Variants in CRTAC1 observed in about 807,000 individuals in gnomAD.
CRTAC1 encodes cartilage acidic protein 1.
CRTAC1 carries 37 observed loss-of-function variants against 67.8 expected under a neutral mutation model. The observed-to-expected ratio is 0.55, with a 90% CI of 0.42 to 0.72. The LOEUF is 0.72. Ranked by LOEUF, CRTAC1 falls within the 30% of genes least tolerant of loss-of-function variation. The pLI is 0.00. For missense variants in CRTAC1, 780 were observed against 931.6 expected (o/e 0.84, Z 2.12); for synonymous variants, 348 against 371.0 (o/e 0.94, Z 0.71).
chr10:98,015,363 T>A (rs10883025), intron 1 of CRTAC1, among the ~76,000 whole-genome samples: 25,338 of 151,706 alleles, frequency 0.17, 2,750 homozygotes, highest in East Asian at 0.44. Context: ...GAAATGGGAG[T>A]TAGTGTTTAG....
At chr10:97,901,020 CCG>C in intron 8 of CRTAC1, among the ~76,000 whole-genome samples, 1 of 134,432 alleles carries the variant, frequency 7.4e-6, no homozygotes, top group East Asian at 2.3e-4. Context: ...TGATTGGAGC[CCG>C]TAGCCCCTTT....
Position 97,896,996 on chromosome 10 carries a change from A to G in CRTAC1, c.1134-5T>C. 1 of 1,553,256 alleles carries G rather than the reference A, an allele frequency of 6.4e-7. No individual in the cohort carries two copies. The highest frequency in any genetic ancestry group is 8.7e-7 in the Non-Finnish European group (1 of 1,147,284). ...CCGTGCTCTCTACGGATGACGCTGC[A>G]GGAGAGGAGACAGGCTTGCTCTGGT... On this transcript the variant is annotated splice_polypyrimidine_tract_variant and splice_region_variant and intron_variant, in intron 8 of 14. Coordinates refer to ENST00000370597, the MANE Select transcript of CRTAC1 (RefSeq NM_018058.7).
At chr10:97,872,390 A>T (rs1449032637) in intron 14 of CRTAC1, among the ~76,000 whole-genome samples, 1 of 152,194 alleles carries the variant, frequency 6.6e-6, no homozygotes, top group Non-Finnish European at 1.5e-5. Context: ...TGAGCTGGGC[A>T]GCAGCTCTCA....
chr10:97,920,332 T>C lies in CRTAC1; in HGVS notation c.559-2676A>G, dbSNP rs558632984. Among the ~76,000 whole-genome samples, 183 of 152,346 alleles carry C rather than the reference T, an allele frequency of 1.2e-3. 2 individuals carry two copies. The highest frequency in any genetic ancestry group is 3.4e-3 in the Middle Eastern group (1 of 294). ...TATAAACTGACAAACGCAGATGTGT[T>C]ACGGTTGTAGAAGACTGCAGAAATT... On this transcript the variant is annotated intron_variant, in intron 4 of 14. Coordinates refer to ENST00000370597, the MANE Select transcript of CRTAC1 (RefSeq NM_018058.7).
chr10:97,951,718 T>C (rs1030105406), intron 2 of CRTAC1, among the ~76,000 whole-genome samples: 1 of 152,202 alleles, frequency 6.6e-6, no homozygotes, highest in Admixed American at 6.5e-5. Context: ...TAATCTAAGA[T>C]ATTAGGTAAG....
intron 11 of CRTAC1, among the ~76,000 whole-genome samples, chr10:97,887,829 C>A (rs2050309886): frequency 6.6e-6 from 1 of 152,258 alleles, no homozygotes; most frequent in Admixed American, 6.5e-5. Flanking sequence ...TCCCTGGCAC[C>A]ATCGGCTCTT....
intron 2 of CRTAC1, among the ~76,000 whole-genome samples, chr10:98,009,774 G>A (rs943613302): frequency 7.2e-5 from 11 of 152,314 alleles, no homozygotes; most frequent in Middle Eastern, 3.4e-3. Context: ...TTGATTGACT[G>A]ATTTTTGAAG....
intron 1 of CRTAC1, among the ~76,000 whole-genome samples, chr10:98,012,023 A>G (rs567150330): frequency 5.3e-5 from 8 of 152,304 alleles, no homozygotes; most frequent in African/African-American, 1.4e-4. Context: ...CAGGTTCCTC[A>G]TGCCAACATC....
At position 98,030,108 on chromosome 10, in the gene CRTAC1, C is replaced by A. The variant is rs947996196; in HGVS notation, c.24+341G>T. Among the ~76,000 whole-genome samples, 1 of 152,158 alleles carries A rather than the reference C, an allele frequency of 6.6e-6. No homozygotes were observed. Among genetic ancestry groups the A allele is most frequent in the South Asian group, 2.1e-4 (1 of 4,834 alleles). On this transcript the variant is annotated intron_variant, in intron 1 of 14. Transcript: ENST00000370597. The surrounding 1 kb of genome is among the most constrained non-coding windows in gnomAD (Gnocchi z 4.2). Reference sequence around the variant, plus strand: ...TCCCTCCTCACCCGCTCCGCCCCCTCCAGGCCCCAGAGGCCCCCTCCCCTG... The same window carrying A: ...TCCCTCCTCACCCGCTCCGCCCCCTACAGGCCCCAGAGGCCCCCTCCCCTG...
At chr10:97,934,957 G>A (rs1402431827) in intron 3 of CRTAC1, among the ~76,000 whole-genome samples, 2 of 148,844 alleles carry the variant, frequency 1.3e-5, no homozygotes, top group Non-Finnish European at 3.0e-5. Flanking sequence ...GCGGTGGAGG[G>A]GGCGTGGGTG....
intron 1 of CRTAC1, among the ~76,000 whole-genome samples, chr10:98,014,137 T>G (rs540353569): frequency 1.4e-4 from 22 of 152,306 alleles, no homozygotes; most frequent in Admixed American, 4.6e-4. Context: ...ACCCTCTTTT[T>G]GGGGGGTTCA....
At chr10:97,934,235 G>A (rs530969004) in intron 3 of CRTAC1, among the ~76,000 whole-genome samples, 2 of 152,308 alleles carry the variant, frequency 1.3e-5, no homozygotes, top group East Asian at 1.9e-4. Flanking sequence ...CTTGTCCAAC[G>A]TTAAAGAGTT....
At chr10:97,971,289 G>A (rs1448769219) in intron 2 of CRTAC1, among the ~76,000 whole-genome samples, 1 of 152,250 alleles carries the variant, frequency 6.6e-6, no homozygotes, top group Non-Finnish European at 1.5e-5. Flanking sequence ...TAAACAAAAT[G>A]TGGTATATCC....
intron 2 of CRTAC1, among the ~76,000 whole-genome samples, chr10:97,993,021 T>A (rs957383291): frequency 2.2e-4 from 33 of 152,380 alleles, no homozygotes; most frequent in African/African-American, 7.9e-4. Context: ...TTTTATAACA[T>A]GATTTGTACA....
intron 2 of CRTAC1, among the ~76,000 whole-genome samples, chr10:98,008,443 A>G (rs576731330): frequency 1.8e-4 from 28 of 152,148 alleles, no homozygotes; most frequent in Admixed American, 1.8e-3. Flanking sequence ...GGGGGCACCC[A>G]ACGGGTCTCC....
intron 2 of CRTAC1, among the ~76,000 whole-genome samples, chr10:97,947,761 T>C (rs1564907425): frequency 6.6e-6 from 1 of 152,112 alleles, no homozygotes; most frequent in Non-Finnish European, 1.5e-5. Context: ...ACTAAGGATT[T>C]ATATTTTCTG....
intron 2 of CRTAC1, among the ~76,000 whole-genome samples, chr10:97,974,313 T>A (rs2051763289): frequency 6.6e-6 from 1 of 152,164 alleles, no homozygotes; most frequent in Non-Finnish European, 1.5e-5. Context: ...CCCCCCCTGC[T>A]GCGTAACAGG....
intron 14 of CRTAC1, chr10:97,865,915 C>T: frequency 1.4e-6 from 1 of 735,238 alleles, no homozygotes; most frequent in Admixed American, 3.2e-5. Flanking sequence ...CATTTCCTGA[C>T]CTGGGGGCTT....
At chr10:97,892,399 T>C (rs563930456) in intron 11 of CRTAC1, among the ~76,000 whole-genome samples, 1 of 152,320 alleles carries the variant, frequency 6.6e-6, no homozygotes, top group East Asian at 1.9e-4. Context: ...ACCAGAACCC[T>C]GGATAAGCAA....
Sources: allele counts gnomAD v4.1 joint callset (sites outside exome capture counted in the v4.1 genomes callset), GRCh38; gene constraint gnomAD v4.1.1; non-coding constraint Gnocchi (gnomAD v3.1); transcripts MANE v1.5; gene names NCBI Gene and HGNC (gene_info 2026-07-23, HGNC 2026-07-21).